CHD3: variants seen among roughly 807,000 people sequenced by gnomAD.
CHD3 encodes the protein chromodomain helicase DNA binding protein 3.
Under a neutral mutation model 248.9 loss-of-function variants are expected in CHD3, and 52 were observed. The observed-to-expected ratio is 0.21, with a 90% CI of 0.17 to 0.26. The LOEUF (loss-of-function observed/expected upper bound fraction) is 0.26. CHD3 is among the 10% of genes least tolerant of loss of function. The probability of loss-of-function intolerance (pLI) is 1.00; values close to 1 mark genes in which losing one functional copy is unlikely to be tolerated. For missense variants in CHD3, 1,482 were observed against 2,605.8 expected, an observed-to-expected ratio of 0.57 and a Z score of 9.39; for synonymous variants, 985 against 985.2, an observed-to-expected ratio of 1.00 and a Z score of 0.00.
In CHD3 at chr17:7,906,750, C is replaced by T. The variant is rs1223682805; in HGVS notation, c.4503+53C>T. The T allele has an allele frequency of 1.9e-6, 3 of 1,583,182 alleles. No homozygotes were observed. Among genetic ancestry groups the T allele is most frequent in the South Asian group, 1.2e-5 (1 of 85,958 alleles). On this transcript the variant is annotated intron_variant, in intron 29 of 39. Transcript: ENST00000330494. The surrounding 1 kb of genome is among the most constrained non-coding windows in gnomAD (Gnocchi z 5.0). Reference sequence around the variant, plus strand: ...TCAAGCTGGCTGCCTAGTCTCTGTCCTTCCTCTGCCTCTGTCCCTGAGTTG... The same window carrying T: ...TCAAGCTGGCTGCCTAGTCTCTGTCTTTCCTCTGCCTCTGTCCCTGAGTTG...
chr17:7,901,093 G>A, intron 19 of CHD3, 100 bp downstream of exon 19: 1 of 1,522,172 alleles, frequency 6.6e-7, no homozygotes, highest in Non-Finnish European at 8.9e-7. Context: ...GGTGGAGCTG[G>A]GCTGGAAGGC....
rs375994896 is a variant in CHD3, at chr17:7,903,228, G to A, written c.3496-44G>A. The A allele has an allele frequency of 1.4e-5, 23 of 1,598,240 alleles. No individual in the cohort carries two copies. The highest frequency in any genetic ancestry group is 9.4e-5 in the African/African-American group (7 of 74,572). On this transcript the variant is annotated intron_variant, in intron 22 of 39. Coordinates refer to ENST00000330494, the MANE Select transcript of CHD3 (RefSeq NM_001005273.3). This position sits in a 1 kb window ranked among gnomAD's most constrained non-coding sequence, Gnocchi z 6.8. Reference sequence around the variant, plus strand: ...GCAGCTCTATGGGCAGCTTCTCCCCGGCCACTCCCCTGACCCACCCGCCAC... The same window carrying A: ...GCAGCTCTATGGGCAGCTTCTCCCCAGCCACTCCCCTGACCCACCCGCCAC...
At chr17:7,884,936 G>T (rs1293525154), upstream of CHD3, 1 of 1,404,436 alleles carries the variant, frequency 7.1e-7, no homozygotes, top group South Asian at 1.5e-5. Context: ...CGAGGACGAT[G>T]AGGAGGACGA....
Position 7,910,878 on chromosome 17 carries a change from C to A in CHD3, c.5786C>A (p.Pro1929Gln), listed in dbSNP as rs561278276. The change falls in exon 39 of 40, where the codon CCG (proline) becomes CAG (glutamine). Residue 1929 changes from proline to glutamine, a missense_variant. Physicochemically the swap from Pro to Gln is moderately conservative, Grantham distance 76. Transcript: ENST00000330494. This position sits in a 1 kb window ranked among gnomAD's most constrained non-coding sequence, Gnocchi z 4.7. ...CCGCCGGGTCCCTACGCTACACCTC[C>A]GGGGTACGGGGCGGCCTTCAGCGCC... is the stretch of plus-strand genomic sequence containing the variant. ...AYPPGPYATP[P>Q]GYGAAFSAAP... is the part of the protein sequence containing the mutation. 23 of 1,611,884 alleles carry A rather than the reference C, an allele frequency of 1.4e-5. No homozygotes were observed. The highest frequency in any genetic ancestry group is 2.0e-5 in the Non-Finnish European group (23 of 1,179,400).
intron 20 of CHD3, 129 bp downstream of exon 20, chr17:7,901,504 GTTTTTTTT>G: frequency 1.2e-5 from 2 of 172,946 alleles, no homozygotes; most frequent in Non-Finnish European, 2.0e-5. Context: ...TCCTGTAAGA[GTTTTTTTT>G]TTTTTTTTTT....
At position 7,911,451 on chromosome 17, in the gene CHD3, C is replaced by G. The variant is rs758705237; in HGVS notation, c.5882-13C>G. On this transcript the variant is annotated splice_polypyrimidine_tract_variant and intron_variant, in intron 39 of 39. Transcript: ENST00000330494. The surrounding 1 kb of genome is among the most constrained non-coding windows in gnomAD (Gnocchi z 5.4). ...TCTGGAGATTGATCTTTCCTTACCCCTTTCCCAAACAGCCGCCACCAACGG... is the reference window on the plus strand; with the variant it reads ...TCTGGAGATTGATCTTTCCTTACCCGTTTCCCAAACAGCCGCCACCAACGG... 1 of 1,614,118 alleles carries G rather than the reference C, an allele frequency of 6.2e-7. No individual in the cohort carries two copies. The highest frequency in any genetic ancestry group is 8.5e-7 in the Non-Finnish European group (1 of 1,179,988).
Position 7,893,829 on chromosome 17 carries a change from A to G in CHD3, c.818A>G (p.Lys273Arg). 1 of 1,614,108 alleles carries G rather than the reference A, an allele frequency of 6.2e-7. No individual in the cohort carries two copies. The highest frequency in any genetic ancestry group is 1.1e-5 in the South Asian group (1 of 91,072). The change falls in exon 6 of 40, where the codon AAG becomes AGG. Residue 273 changes from lysine (K) to arginine (R), a missense_variant. Around this residue, in one of 20 missense-constraint regions of CHD3, gnomAD observed 149 missense variants for 182.6 expected, o/e 0.82. Coordinates refer to ENST00000330494, the MANE Select transcript of CHD3 (RefSeq NM_001005273.3). ...GKGPGHKRRS[K>R]SPRVPDGRKK... ...GGTCCAGGCCATAAGAGGCGGAGTA[A>G]GAGCCCCCGAGTGCCTGATGGACGC...
At position 7,898,037 on chromosome 17, in the gene CHD3, G is replaced by A. The variant is rs993606215; in HGVS notation, c.1986G>A (p.Thr662=). 6.8e-6 allele frequency: 11 copies of A among 1,614,162 alleles called. No homozygotes were observed. The highest frequency in any genetic ancestry group is 2.2e-5 in the South Asian group (2 of 91,086). ...GGGACTTACCATATGACCAGTCCAC[G>A]TGGGAGGAAGATGAAATGAATATCC... ...KWRDLPYDQS[T]WEEDEMNIPE... Residue 662 remains threonine (T), a synonymous_variant, in exon 12 of 40, where the codon ACG becomes ACA. Transcript: ENST00000330494.
rs1279889916 is a variant in CHD3, at chr17:7,909,572, G to A, written c.5590+234G>A. 3.4e-6 allele frequency: 2 copies of A among 596,060 alleles called. No homozygotes were observed. Among genetic ancestry groups the A allele is most frequent in the Non-Finnish European group, 5.7e-6 (2 of 350,382 alleles). The allele number at this position is 596,060 out of a possible 1,614,324, so 36.9% of individuals were successfully genotyped here. A position where few individuals can be genotyped will look rare whatever the true frequency, so the allele number is the denominator to read the frequency against. Reference sequence around the variant, plus strand: ...GCATTCACATCCGTGCCCAATAGAGGGACCTGCCCCAGCCTCTGTGTCCCC... The same window carrying A: ...GCATTCACATCCGTGCCCAATAGAGAGACCTGCCCCAGCCTCTGTGTCCCC... On this transcript the variant is annotated intron_variant, in intron 37 of 39. Coordinates refer to ENST00000330494, the MANE Select transcript of CHD3 (RefSeq NM_001005273.3). This position sits in a 1 kb window ranked among gnomAD's most constrained non-coding sequence, Gnocchi z 8.1.
At position 7,910,101 on chromosome 17, in the gene CHD3, C is replaced by T; in HGVS notation, c.5591-327C>T. 1 of 399,336 alleles carries T rather than the reference C, an allele frequency of 2.5e-6. No homozygotes were observed. The highest frequency in any genetic ancestry group is 2.4e-5 in the South Asian group (1 of 42,008). The allele number at this position is 399,336 out of a possible 1,614,324, so 24.7% of individuals were successfully genotyped here. A position where few individuals can be genotyped will look rare whatever the true frequency, so the allele number is the denominator to read the frequency against. ...GCTCTTCCAGTATGAGATGTTCTGA[C>T]AACTCCCCGCCCCCATGTCTTCCAA... On this transcript the variant is annotated intron_variant, in intron 37 of 39. Transcript: ENST00000330494. The surrounding 1 kb of genome is among the most constrained non-coding windows in gnomAD (Gnocchi z 4.7).
chr17:7,904,719 G>C lies in CHD3; in HGVS notation c.4072+100G>C, dbSNP rs542666404. The C allele has an allele frequency of 9.0e-6, 10 of 1,116,222 alleles. No homozygotes were observed. The Admixed American group carries it at 1.6e-4, about 18-fold the overall frequency. The allele number at this position is 1,116,222 out of a possible 1,614,324, so 69.1% of individuals were successfully genotyped here. A position where few individuals can be genotyped will look rare whatever the true frequency, so the allele number is the denominator to read the frequency against. ...TAGAGGGAAAGAGAGAAGCCTAGAA[G>C]TCAGAGCCTTCCTCTGCTAAAAGGG... On this transcript the variant is annotated intron_variant, in intron 25 of 39. Coordinates refer to ENST00000330494, the MANE Select transcript of CHD3 (RefSeq NM_001005273.3). This position sits in a 1 kb window ranked among gnomAD's most constrained non-coding sequence, Gnocchi z 4.4.
Position 7,909,733 on chromosome 17 carries a change from C to T in CHD3, c.5590+395C>T. The T allele has an allele frequency of 4.4e-6, 1 of 225,448 alleles. No individual in the cohort carries two copies. Among genetic ancestry groups the T allele is most frequent in the Admixed American group, 5.2e-5 (1 of 19,134 alleles). 14.0% of individuals were successfully genotyped at this position (225,448 alleles called of 1,614,324 possible). The stretch of plus-strand genomic sequence containing the variant: ...TGTGATCAAACAAATCACATTCCCT[C>T]ACATGTGTTTCACCCCATAAGGCAG... On this transcript the variant is annotated intron_variant, in intron 37 of 39. Transcript: ENST00000330494. This position sits in a 1 kb window ranked among gnomAD's most constrained non-coding sequence, Gnocchi z 8.1.
chr17:7,899,383 C>G lies in CHD3; in HGVS notation c.2384C>G (p.Ser795Cys). ...KGPFLVSAPL[S>C]TIINWEREFQ... is the part of the protein sequence containing the mutation. ...CCCTTCCTGGTGAGTGCCCCACTCT[C>G]TACCATCATTAACTGGGAGCGGGAG... The change falls in exon 15 of 40, where the codon TCT becomes TGT. Residue 795 changes from serine (S) to cysteine (C), a missense_variant. By Grantham distance (112) the Ser-to-Cys change is moderately radical (BLOSUM62 -1). Around this residue, in one of 20 missense-constraint regions of CHD3, gnomAD observed 18 missense variants for 88.8 expected, o/e 0.20. Coordinates refer to ENST00000330494, the MANE Select transcript of CHD3 (RefSeq NM_001005273.3). The surrounding 1 kb of genome is among the most constrained non-coding windows in gnomAD (Gnocchi z 6.8). The G allele has an allele frequency of 6.2e-7, 1 of 1,614,174 alleles. No homozygotes were observed. The highest frequency in any genetic ancestry group is 8.5e-7 in the Non-Finnish European group (1 of 1,180,028).
upstream of CHD3, chr17:7,885,377 C>A: frequency 6.5e-6 from 1 of 153,910 alleles, no homozygotes; most frequent in Non-Finnish European, 1.4e-5. Flanking sequence ...GCGCGAGCTG[C>A]GCGCGCGGAC....
chr17:7,906,028 G>T lies in CHD3; in HGVS notation c.4358+39G>T. On this transcript the variant is annotated intron_variant, in intron 28 of 39. Transcript: ENST00000330494. The surrounding 1 kb of genome is among the most constrained non-coding windows in gnomAD (Gnocchi z 5.0). ...ATACAGGGCTGAGTTGGACGCAAGG[G>T]GAAGAGCTTTGGGTGTTCCTTTCTT... 1.2e-6 allele frequency: 2 copies of T among 1,611,426 alleles called. No individual in the cohort carries two copies. The highest frequency in any genetic ancestry group is 2.2e-5 in the South Asian group (2 of 90,964).
rs1196836151 is a variant in CHD3, at chr17:7,905,999, G to T, written c.4358+10G>T. 6.2e-7 allele frequency: 1 copy of T among 1,613,462 alleles called. No individual in the cohort carries two copies. Among genetic ancestry groups the T allele is most frequent in the East Asian group, 2.2e-5 (1 of 44,886 alleles). ...CTGAGAAGGAGTTTAAGTGAGTGTG[G>T]GTGATACAGGGCTGAGTTGGACGCA... On this transcript the variant is annotated intron_variant, in intron 28 of 39. Transcript: ENST00000330494. The surrounding 1 kb of genome is among the most constrained non-coding windows in gnomAD (Gnocchi z 5.8).
rs763973005 is a variant in CHD3 at position 7,889,055 on chromosome 17, AG to A, written c.57del (p.Ile20PhefsTer28). 1.1e-5 allele frequency: 17 copies of A among 1,614,116 alleles called. No homozygotes were observed. The highest frequency in any genetic ancestry group is 1.4e-5 in the Non-Finnish European group (16 of 1,180,050). The stretch of plus-strand genomic sequence containing the variant: ...GGCAAGAAGTAAAAATGACCAGCTG[AG>A]GATTTCTTTTCCTCCAGGACTGTGT... Reference protein sequence around the residue: ...LWARSKNDQLRISFPPGLCWG... With the variant: ...LWARSKNDQLXISFPPGLCWG... On this transcript the variant is annotated frameshift_variant, in exon 1 of 40. Coordinates refer to ENST00000330494, the MANE Select transcript of CHD3 (RefSeq NM_001005273.3). LOFTEE classifies it high-confidence loss of function. This position sits in a 1 kb window ranked among gnomAD's most constrained non-coding sequence, Gnocchi z 4.5.
chr17:7,892,067 T>A (rs1025905020), intron 4 of CHD3, among the ~76,000 whole-genome samples: 1 of 152,140 alleles, frequency 6.6e-6, no homozygotes, highest in Non-Finnish European at 1.5e-5. Context: ...CTGTGTGGGT[T>A]TGGTGGGATA....
chr17:7,885,343 G>GCCGCCGCCGCCA (rs1967712279), upstream of CHD3: 1 of 176,772 alleles, frequency 5.7e-6, no homozygotes, highest in Admixed American at 6.8e-5. Context: ...CGCCGCCGCC[G>GCCGCCGCCGCCA]CCACCCCGGC....
Sources: gnomAD v4.1 joint callset for allele counts (sites outside exome capture counted in the v4.1 genomes callset) on GRCh38, gnomAD v4.1.1 for gene constraint, gnomAD v4.1.1 regional missense constraint, Gnocchi (gnomAD v3.1) non-coding constraint, MANE v1.5 for transcripts, NCBI Gene and HGNC (gene_info 2026-07-23, HGNC 2026-07-21) for gene names.